DAB1: variants seen among roughly 807,000 people sequenced by gnomAD.
The protein encoded by DAB1 is disabled homolog 1.
In DAB1, 15 loss-of-function variants were observed where a neutral mutation model predicts 64.6. The ratio of observed to expected loss-of-function variants is 0.23; its 90% CI spans 0.16 to 0.36. The LOEUF is 0.36. DAB1 is among the 10% of genes least tolerant of loss of function. The probability of loss-of-function intolerance (pLI) is 1.00; values close to 1 mark genes in which losing one functional copy is unlikely to be tolerated. For missense variants in DAB1, 596 were observed against 706.7 expected, an observed-to-expected ratio of 0.84 and a Z score of 1.78; for synonymous variants, 235 against 251.9, an observed-to-expected ratio of 0.93 and a Z score of 0.64.
chr1:57,687,880 C>T (rs1322812779), intron 6 of DAB1, among the ~76,000 whole-genome samples: 2 of 152,072 alleles, frequency 1.3e-5, no homozygotes, highest in Non-Finnish European at 2.9e-5. Flanking sequence ...AAGAATGAAA[C>T]TAGACCCACT....
chr1:57,192,240 C>G (rs1172576376), intron 2 of DAB1, among the ~76,000 whole-genome samples: 1 of 151,814 alleles, frequency 6.6e-6, no homozygotes, highest in Non-Finnish European at 1.5e-5. Context: ...TCACTTGAAT[C>G]CACAAGGCAG....
intron 7 of DAB1, among the ~76,000 whole-genome samples, chr1:57,533,539 G>GTATATATATATATATATATATA (rs59378470): frequency 2.6e-4 from 37 of 143,758 alleles, no homozygotes; most frequent in African/African-American, 8.6e-4. Context: ...TTCATAACAG[G>GTATATATATATATATATATATA]TATATATATA....
intron 5 of DAB1, among the ~76,000 whole-genome samples, chr1:58,134,628 C>G (rs141653188): frequency 1.1e-4 from 16 of 152,178 alleles, no homozygotes; most frequent in Non-Finnish European, 1.9e-4. Context: ...GAGAAGCAGG[C>G]ACATTTCACA....
chr1:57,515,413 G>A (rs1644452343), intron 7 of DAB1, among the ~76,000 whole-genome samples: 1 of 152,170 alleles, frequency 6.6e-6, no homozygotes, highest in Admixed American at 6.5e-5. Context: ...AATACAGTTG[G>A]TGTTGAAACC....
chr1:58,059,284 T>C (rs1171959819), intron 5 of DAB1, among the ~76,000 whole-genome samples: 1 of 152,240 alleles, frequency 6.6e-6, no homozygotes, highest in Non-Finnish European at 1.5e-5. Context: ...ATACTCTAGC[T>C]GTGTAGTCAT....
At position 57,675,448 on chromosome 1, in the gene DAB1, A is replaced by C. The variant is rs150765729; in HGVS notation, n.552-25783T>G. On this transcript the variant is annotated intron_variant and non_coding_transcript_variant, in intron 6 of 20. Coordinates refer to the DAB1 transcript ENST00000485760. ...GGGCTTCCCTGGTACATTAGCTATTACCATATACCTGTCTCAGTCTCCCAC... is the reference window on the plus strand; with the variant it reads ...GGGCTTCCCTGGTACATTAGCTATTCCCATATACCTGTCTCAGTCTCCCAC... Among the ~76,000 whole-genome samples, 161 of 152,288 alleles carry C rather than the reference A, an allele frequency of 1.1e-3. 1 individual carries two copies. The highest frequency in any genetic ancestry group is 3.7e-3 in the African/African-American group (152 of 41,568).
intron 1 of DAB1, among the ~76,000 whole-genome samples, chr1:57,321,225 T>C (rs1268501632): frequency 6.6e-6 from 1 of 152,150 alleles, no homozygotes; most frequent in African/African-American, 2.4e-5. Context: ...ATCCAAAAAA[T>C]GTATAGAAGT....
intron 4 of DAB1, among the ~76,000 whole-genome samples, chr1:58,219,461 T>C (rs1375190456): frequency 6.6e-6 from 1 of 152,170 alleles, no homozygotes; most frequent in Non-Finnish European, 1.5e-5. Flanking sequence ...AGGACCAGAC[T>C]GGGCCTACCC....
chr1:58,374,543 C>G (rs1317051945), intron 3 of DAB1, among the ~76,000 whole-genome samples: 1 of 150,202 alleles, frequency 6.7e-6, no homozygotes, highest in East Asian at 2.0e-4. Context: ...ATCTATATCT[C>G]TGTTTTGGTA....
chr1:58,405,639 T>C (rs773170177), intron 3 of DAB1, among the ~76,000 whole-genome samples: 2 of 152,220 alleles, frequency 1.3e-5, no homozygotes, highest in East Asian at 3.9e-4. Context: ...GGATGTTTAA[T>C]TGTTTATTTT....
chr1:57,806,816 A>C (rs1651383838), intron 6 of DAB1, among the ~76,000 whole-genome samples: 1 of 152,158 alleles, frequency 6.6e-6, no homozygotes, highest in Non-Finnish European at 1.5e-5. Context: ...ATTCCCTAAT[A>C]CGTCCCACTT....
At chr1:57,233,325 G>A (rs1376349888) in intron 2 of DAB1, among the ~76,000 whole-genome samples, 1 of 135,184 alleles carries the variant, frequency 7.4e-6, no homozygotes, top group Non-Finnish European at 1.6e-5. Context: ...TGCAGTGGCG[G>A]GATCTCGGCT....
At chr1:58,495,306 T>C (rs1445319026) in intron 3 of DAB1, among the ~76,000 whole-genome samples, 1 of 151,984 alleles carries the variant, frequency 6.6e-6, no homozygotes, top group Non-Finnish European at 1.5e-5. Context: ...CATTAGGAGA[T>C]ATACCTAATG....
At chr1:57,071,291 C>G in intron 6 of DAB1, 1 of 656,456 alleles carries the variant, frequency 1.5e-6, no homozygotes, top group Non-Finnish European at 2.5e-6. Context: ...GGTCCTCCAC[C>G]CCTGAAATCT....
chr1:57,606,363 A>T (rs1645637094), intron 7 of DAB1, among the ~76,000 whole-genome samples: 1 of 75,088 alleles, frequency 1.3e-5, no homozygotes, highest in Non-Finnish European at 2.6e-5. Context: ...TCAGTCAGTC[A>T]TCCATTCTAA....
At chr1:58,424,948 G>A (rs35013052) in intron 3 of DAB1, among the ~76,000 whole-genome samples, 14,858 of 151,796 alleles carry the variant, frequency 0.098, 1,192 homozygotes, top group East Asian at 0.31. Context: ...GCAATGTGTG[G>A]AGGCAATCCT....
intron 4 of DAB1, among the ~76,000 whole-genome samples, chr1:57,104,015 G>A (rs1460096025): frequency 6.6e-6 from 1 of 152,184 alleles, no homozygotes; most frequent in African/African-American, 2.4e-5. Flanking sequence ...TACTGCCAGA[G>A]ACATGGGGCC....
At chr1:57,252,189 T>G (rs2100523078) in intron 2 of DAB1, among the ~76,000 whole-genome samples, 1 of 152,296 alleles carries the variant, frequency 6.6e-6, no homozygotes, top group South Asian at 2.1e-4. Flanking sequence ...CGCTTAAAAA[T>G]TTTTCATCCA....
At chr1:58,222,295 T>C (rs1458802036) in intron 4 of DAB1, among the ~76,000 whole-genome samples, 1 of 152,034 alleles carries the variant, frequency 6.6e-6, no homozygotes, top group East Asian at 1.9e-4. Flanking sequence ...AAAAAATCCC[T>C]GGGTAATTTT....
Sources: gnomAD v4.1 joint callset for allele counts (sites outside exome capture counted in the v4.1 genomes callset) on GRCh38, gnomAD v4.1.1 for gene constraint, MANE v1.5 for transcripts, NCBI Gene and HGNC (gene_info 2026-07-23, HGNC 2026-07-21) for gene names.